The following WDHD1 variants were observed in gnomAD, a reference collection of about 807,000 sequenced individuals.
WDHD1 encodes WD repeat and HMG-box DNA binding protein 1, also known as WD repeat and HMG-box DNA-binding protein 1.
WDHD1 carries 111 observed loss-of-function variants against 135.4 expected under a neutral mutation model. That is an observed-to-expected ratio of 0.82 (90% CI 0.70 to 0.96). WDHD1 has a LOEUF of 0.96. Ranked by LOEUF, WDHD1 falls within the 40% of genes least tolerant of loss-of-function variation. The pLI, the probability that WDHD1 is intolerant of heterozygous loss-of-function variation, is 0.00. For missense variants in WDHD1, 1,351 were observed against 1,336.3 expected (o/e 1.01, Z -0.17); for synonymous variants, 434 against 439.0 (o/e 0.99, Z 0.14).
intron 2 of WDHD1, among the ~76,000 whole-genome samples, chr14:55,018,855 C>T (rs773262282): frequency 6.6e-6 from 1 of 151,980 alleles, no homozygotes; most frequent in Non-Finnish European, 1.5e-5. Context: ...GAAACCCCAT[C>T]TCTACTAAAA....
At chr14:55,009,604 G>A (rs1429010580) in intron 4 of WDHD1, among the ~76,000 whole-genome samples, 1 of 151,632 alleles carries the variant, frequency 6.6e-6, no homozygotes, top group Admixed American at 6.6e-5. Context: ...GCTCATTTTT[G>A]TATTTTTAAT....
chr14:54,955,193 T>G (rs8009997), intron 24 of WDHD1, among the ~76,000 whole-genome samples: 43,789 of 152,110 alleles, frequency 0.29, 6,410 homozygotes, highest in South Asian at 0.32. Context: ...CTTGTTGCAG[T>G]GATTGTTTTT....
chr14:54,958,274 C>T (rs1029725542), intron 21 of WDHD1, among the ~76,000 whole-genome samples: 1 of 151,916 alleles, frequency 6.6e-6, no homozygotes, highest in Non-Finnish European at 1.5e-5. Context: ...TTACAGGCGC[C>T]TGCTACCACG....
At position 54,995,617 on chromosome 14, in the gene WDHD1, T is replaced by A. The variant is rs1212744767; in HGVS notation, c.1139A>T (p.Asp380Val). Residue 380 changes from aspartate (D) to valine (V), a missense_variant, in exon 11 of 26, where the codon GAT becomes GTT. By Grantham distance (152) the Asp-to-Val change is radical. Transcript: ENST00000360586. ...PRQRSHILED[D>V]ENSVDISMLK... Reference sequence around the variant, plus strand: ...CAAATTCTTACCAACTGAGTTTTCATCATCTTCTAGGATGTGACTTCGCTG... The same window carrying A: ...CAAATTCTTACCAACTGAGTTTTCAACATCTTCTAGGATGTGACTTCGCTG... The A allele has an allele frequency of 1.9e-6, 3 of 1,592,798 alleles. No homozygotes were observed. In the East Asian group the frequency reaches 6.7e-5, roughly 36 times the overall value.
chr14:55,026,300 T>A (rs186667793), intron 2 of WDHD1, among the ~76,000 whole-genome samples: 1 of 151,954 alleles, frequency 6.6e-6, no homozygotes. Flanking sequence ...AGGAAAAAAT[T>A]GTTTTAAGCC....
chr14:54,993,661 T>C (rs1052798035), intron 11 of WDHD1, among the ~76,000 whole-genome samples: 12 of 152,170 alleles, frequency 7.9e-5, no homozygotes, highest in African/African-American at 2.7e-4. Flanking sequence ...TGTATAGCAA[T>C]AGACTTAATC....
chr14:54,949,133 C>A (rs543731201), intron 24 of WDHD1, among the ~76,000 whole-genome samples: 1 of 152,154 alleles, frequency 6.6e-6, no homozygotes, highest in Non-Finnish European at 1.5e-5. Context: ...TCACCAGCAA[C>A]GGAACAAAGC....
chr14:54,954,935 G>A (rs773723572), intron 24 of WDHD1, among the ~76,000 whole-genome samples: 1 of 152,066 alleles, frequency 6.6e-6, no homozygotes, highest in Non-Finnish European at 1.5e-5. Context: ...CTCCATGTTG[G>A]TCAGGCTGGT....
intron 4 of WDHD1, 60 bp from the exon 5 acceptor site, chr14:55,008,779 G>C: frequency 1.1e-5 from 12 of 1,102,206 alleles, no homozygotes; most frequent in Non-Finnish European, 1.5e-5. Flanking sequence ...TCTCCTAAAA[G>C]CTATGATCCA....
In WDHD1 at chr14:54,957,158, C is replaced by T. The variant is rs773989378; in HGVS notation, c.2792G>A (p.Arg931His). The change falls in exon 23 of 26, where the codon CGT becomes CAT. Residue 931 changes from arginine to histidine, a missense_variant. Coordinates refer to ENST00000360586, the MANE Select transcript of WDHD1 (RefSeq NM_007086.4). ...KEPAMSMNSA[R>H]STNILDNMGK... ...CATATTGTCTAAAATATTAGTTGAA[C>T]GTGCTGAATTCATTGACATGGCTGG... The T allele has an allele frequency of 1.9e-5, 30 of 1,613,884 alleles. No homozygotes were observed. Among genetic ancestry groups the T allele is most frequent in the East Asian group, 1.6e-4 (7 of 44,888 alleles).
Position 54,941,572 on chromosome 14 carries a change from T to C in WDHD1, c.3308A>G (p.Asn1103Ser), listed in dbSNP as rs1222832402. Residue 1103 changes from asparagine to serine, a missense_variant, in exon 26 of 26, where the codon AAC becomes AGC. By Grantham distance (46) the Asn-to-Ser change is conservative (BLOSUM62 1). Around this residue, in one of 2 missense-constraint regions of WDHD1, gnomAD observed 1,330 missense variants for 1,296.1 expected, o/e 1.03. Transcript: ENST00000360586. ...TTTCTGCTTTTTAGACAAATTCAGG[T>C]TCTCTTTTGCTTTTTCTTCCTGGTT... ...TENQEEKAKENLNLSKKQKPL... is the reference protein window; with the variant it reads ...TENQEEKAKESLNLSKKQKPL... 2.5e-6 allele frequency: 4 copies of C among 1,614,024 alleles called. No homozygotes were observed. The Admixed American group carries it at 6.7e-5, about 27-fold the overall frequency.
At chr14:54,962,893 A>G in intron 19 of WDHD1, 40 bp from the exon 20 acceptor site, 1 of 1,611,488 alleles carries the variant, frequency 6.2e-7, no homozygotes, top group Non-Finnish European at 8.5e-7. Flanking sequence ...AGCTATGCAA[A>G]GACCAACTTA....
intron 23 of WDHD1, among the ~76,000 whole-genome samples, chr14:54,956,699 T>A (rs1209373416): frequency 3.9e-5 from 6 of 152,056 alleles, no homozygotes; most frequent in African/African-American, 1.4e-4. Context: ...CTACAAAGTG[T>A]GTAACAACTC....
In WDHD1 at chr14:55,008,663, C is replaced by T. The variant is rs770036425; in HGVS notation, c.398G>A (p.Arg133Gln). 1.3e-5 allele frequency: 21 copies of T among 1,613,268 alleles called. No homozygotes were observed. The highest frequency in any genetic ancestry group is 4.5e-5 in the East Asian group (2 of 44,868). ...VMDSSQQKTFRGHDAPVLSLS... is the reference protein window; with the variant it reads ...VMDSSQQKTFQGHDAPVLSLS... ...ACTTAAAACAGGGGCATCATGTCCTCGAAATGTTTTCTGTTGGCTGCTATC... is the reference window on the plus strand; with the variant it reads ...ACTTAAAACAGGGGCATCATGTCCTTGAAATGTTTTCTGTTGGCTGCTATC... Residue 133 changes from arginine to glutamine, a missense_variant, in exon 5 of 26, where the codon CGA (arginine) becomes CAA (glutamine). Around this residue, in one of 2 missense-constraint regions of WDHD1, gnomAD observed 1,330 missense variants for 1,296.1 expected, o/e 1.03. Transcript: ENST00000360586.
intron 18 of WDHD1, among the ~76,000 whole-genome samples, chr14:54,963,779 G>A (rs948590141): frequency 9.4e-5 from 13 of 138,736 alleles, no homozygotes; most frequent in Admixed American, 5.4e-4. Flanking sequence ...CAGCCTGGGC[G>A]AGAAAGCGAG....
In WDHD1 at chr14:54,987,437, C is replaced by CATAT. The variant is rs139807986; in HGVS notation, c.1527-54_1527-51dup. 0.015 allele frequency: 20,725 copies of CATAT among 1,339,260 alleles called. 1,085 individuals carry two copies. The African/African-American group carries it at 0.18, about 12-fold the overall frequency. 83.0% of individuals were successfully genotyped at this position (1,339,260 alleles called of 1,614,324 possible). ...CAATCAAACTTTCATATGATATTTACATATATATATATATAAGCAATCATG... is the reference window on the plus strand; with the variant it reads ...CAATCAAACTTTCATATGATATTTACATATATATATATATATATAAGCAATCATG... On this transcript the variant is annotated intron_variant, in intron 13 of 25. Coordinates refer to ENST00000360586, the MANE Select transcript of WDHD1 (RefSeq NM_007086.4).
intron 6 of WDHD1, 53 bp from the exon 7 acceptor site, chr14:55,007,428 T>A: frequency 7.7e-7 from 1 of 1,297,504 alleles, no homozygotes; most frequent in Non-Finnish European, 1.1e-6. Context: ...CCCCCCAAAA[T>A]ATATGCAGAA....
chr14:54,972,598 G>T (rs1172222050), intron 16 of WDHD1, among the ~76,000 whole-genome samples: 9 of 99,324 alleles, frequency 9.1e-5, no homozygotes, highest in South Asian at 3.5e-4. Context: ...AAATGCCAAT[G>T]AGGCATATTC....
At chr14:55,023,710 TA>T (rs1447665403) in intron 2 of WDHD1, among the ~76,000 whole-genome samples, 6 of 152,240 alleles carry the variant, frequency 3.9e-5, no homozygotes, top group Non-Finnish European at 8.8e-5. Flanking sequence ...TACAGTGTTT[TA>T]AGCAGATACA....
Sources: gnomAD v4.1 joint callset for allele counts (sites outside exome capture counted in the v4.1 genomes callset) on GRCh38, gnomAD v4.1.1 for gene constraint, gnomAD v4.1.1 regional missense constraint, MANE v1.5 for transcripts, NCBI Gene and HGNC (gene_info 2026-07-23, HGNC 2026-07-21) for gene names.